FAM3C: variants seen among roughly 807,000 people sequenced by gnomAD.
FAM3C encodes protein FAM3C.
FAM3C carries 15 observed loss-of-function variants against 32.5 expected under a neutral mutation model. The observed-to-expected ratio is 0.46, with a 90% CI of 0.31 to 0.71. The LOEUF is 0.71. Among genes scored for constraint, FAM3C ranks in the 30% least tolerant of loss-of-function variants. The probability of loss-of-function intolerance (pLI) is 0.05; values close to 1 mark genes in which losing one functional copy is unlikely to be tolerated. For missense variants in FAM3C, 175 were observed against 274.4 expected (o/e 0.64, Z 2.56); for synonymous variants, 75 against 86.1 (o/e 0.87, Z 0.72).
intron 5 of FAM3C, among the ~76,000 whole-genome samples, chr7:121,367,258 T>C (rs926603402): frequency 3.3e-5 from 5 of 152,184 alleles, no homozygotes; most frequent in Admixed American, 6.5e-5. Context: ...TATATCCAAA[T>C]ATAGATTTGT....
intron 6 of FAM3C, among the ~76,000 whole-genome samples, 178 bp downstream of exon 6, chr7:121,363,952 G>A (rs1793974719): frequency 6.6e-6 from 1 of 152,058 alleles, no homozygotes; most frequent in Non-Finnish European, 1.5e-5. Flanking sequence ...CAAGAAACAC[G>A]CTATAAATTC....
intron 1 of FAM3C, among the ~76,000 whole-genome samples, chr7:121,385,834 A>G (rs549095419): frequency 6.6e-6 from 1 of 152,274 alleles, no homozygotes; most frequent in South Asian, 2.1e-4. Context: ...TGTCAGTGCA[A>G]TTCACACACA....
chr7:121,372,085 T>C (rs947785901), intron 4 of FAM3C, 25 bp downstream of exon 4: 2 of 1,572,308 alleles, frequency 1.3e-6, no homozygotes, highest in South Asian at 1.1e-5. Flanking sequence ...AAATCATACA[T>C]AAAATATTGA....
rs751327784 is a variant in FAM3C at position 121,350,433 on chromosome 7, G to A, written c.*28C>T. ...GCTCTCCCATTAAGAGTGAAAGTGC[G>A]CTTTCTTCAATTCTCTCCACATTTC... On this transcript the variant is annotated 3_prime_UTR_variant, in exon 10 of 10. Transcript: ENST00000359943. The A allele has an allele frequency of 8.7e-6, 14 of 1,610,112 alleles. No homozygotes were observed. The highest frequency in any genetic ancestry group is 6.7e-5 in the Admixed American group (4 of 59,848).
intron 1 of FAM3C, among the ~76,000 whole-genome samples, chr7:121,387,112 A>G (rs1315699823): frequency 3.9e-5 from 6 of 152,142 alleles, no homozygotes; most frequent in Admixed American, 1.3e-4. Flanking sequence ...TGAACGAATG[A>G]GTCTAATTAT....
chr7:121,384,042 C>A (rs866885206), intron 1 of FAM3C, among the ~76,000 whole-genome samples: 3 of 151,998 alleles, frequency 2.0e-5, no homozygotes, highest in African/African-American at 7.3e-5. Flanking sequence ...AGAAGTGAGA[C>A]ATGCACTTTT....
intron 4 of FAM3C, 56 bp from the exon 5 acceptor site, chr7:121,371,479 C>A (rs1584698780): frequency 6.4e-7 from 1 of 1,562,632 alleles, no homozygotes; most frequent in Non-Finnish European, 8.8e-7. Flanking sequence ...CAGACTTTAC[C>A]TCACTTTACT....
chr7:121,365,655 C>A (rs1794009838), intron 5 of FAM3C, among the ~76,000 whole-genome samples: 1 of 151,816 alleles, frequency 6.6e-6, no homozygotes, highest in African/African-American at 2.4e-5. Context: ...AGACTTAAAC[C>A]CTCATATATT....
chr7:121,372,883 T>C (rs1365540468), intron 3 of FAM3C, among the ~76,000 whole-genome samples: 1 of 152,224 alleles, frequency 6.6e-6, no homozygotes, highest in Non-Finnish European at 1.5e-5. Flanking sequence ...TTTAGTTCTG[T>C]ACTATTTTAG....
chr7:121,350,509 C>T lies in FAM3C; in HGVS notation c.636G>A (p.Trp212Ter). Residue 212 changes from tryptophan (W) to a stop codon, truncating the protein, a stop_gained, in exon 10 of 10, where the codon TGG (tryptophan) becomes TGA (stop). Transcript: ENST00000359943. LOFTEE classifies it high-confidence loss of function. ...NNKDTNKYEG[W>*]PEVVEMEGCI... ...ATCCTTCCATTTCTACAACTTCAGG[C>T]CATCCTTCATATTTGTTTGTATCCT... 16 of 1,612,768 alleles carry T rather than the reference C, an allele frequency of 9.9e-6. No homozygotes were observed. Among genetic ancestry groups the T allele is most frequent in the Non-Finnish European group, 1.4e-5 (16 of 1,179,370 alleles).
In FAM3C at chr7:121,355,116, G is replaced by A. The variant is rs184708850; in HGVS notation, c.468-3847C>T. ...ATAACAAAGGGACTCACTGTTTCAT[G>A]AGAATGATATATCATCCAACCAAAG... On this transcript the variant is annotated intron_variant, in intron 8 of 9. Transcript: ENST00000359943. Among the ~76,000 whole-genome samples the A allele has an allele frequency of 3.9e-5, 6 of 152,282 alleles. No individual in the cohort carries two copies. The East Asian group carries it at 9.6e-4, about 24-fold the overall frequency.
At chr7:121,375,686 G>GC (rs2116928977) in intron 3 of FAM3C, among the ~76,000 whole-genome samples, 1 of 152,288 alleles carries the variant, frequency 6.6e-6, no homozygotes, top group South Asian at 2.1e-4. Context: ...ACCATCAGCT[G>GC]CATGTGCACA....
At chr7:121,395,475 AAGGT>A (rs1249183560) in intron 1 of FAM3C, among the ~76,000 whole-genome samples, 2 of 151,844 alleles carry the variant, frequency 1.3e-5, no homozygotes, top group Non-Finnish European at 1.5e-5. Flanking sequence ...AAAAAAAAAA[AAGGT>A]AGAGGATGAT....
chr7:121,371,503 C>T, intron 4 of FAM3C, 80 bp from the exon 5 acceptor site: 2 of 1,397,062 alleles, frequency 1.4e-6, no homozygotes, highest in East Asian at 2.3e-5. Flanking sequence ...AATCTCAAAC[C>T]ACAAAGAGCA....
intron 7 of FAM3C, among the ~76,000 whole-genome samples, chr7:121,360,397 T>G (rs560366932): frequency 6.6e-6 from 1 of 152,184 alleles, no homozygotes; most frequent in African/African-American, 2.4e-5. Flanking sequence ...AAAAAAATCA[T>G]AGCAAAGTAA....
At chr7:121,382,426 A>G (rs1794375978) in intron 2 of FAM3C, among the ~76,000 whole-genome samples, 4 of 152,170 alleles carry the variant, frequency 2.6e-5, no homozygotes. Flanking sequence ...TACATATGAG[A>G]CATTTAAACT....
At chr7:121,364,381 C>A in intron 5 of FAM3C, 193 bp from the exon 6 acceptor site, 3 of 473,398 alleles carry the variant, frequency 6.3e-6, no homozygotes, top group Non-Finnish European at 3.7e-6. Context: ...AAGCAATGTC[C>A]TTAAATAATA....
chr7:121,380,345 TTC>T (rs1214037786), intron 2 of FAM3C: 7 of 151,988 alleles, frequency 4.6e-5, no homozygotes, highest in African/African-American at 1.5e-4. Flanking sequence ...ACATTCTAAA[TTC>T]TATACCAAGC....
rs1230707457 is a variant in FAM3C at position 121,364,146 on chromosome 7, A to G, written c.315T>C (p.Asn105=). The part of the protein sequence containing the change: ...GVKNNVGRGI[N]VALANGKTGE... ...TGTTCTTACCATTTGCCAAGGCAAC[A>G]TTGATCCCTCTTCCAACATTATTCT... Residue 105 remains asparagine (N), a synonymous_variant, in exon 6 of 10, where the codon AAT becomes AAC. Transcript: ENST00000359943. The G allele has an allele frequency of 6.2e-7, 1 of 1,602,624 alleles. No individual in the cohort carries two copies. Among genetic ancestry groups the G allele is most frequent in the Non-Finnish European group, 8.5e-7 (1 of 1,169,840 alleles).
Sources: gnomAD v4.1 joint callset for allele counts (sites outside exome capture counted in the v4.1 genomes callset) on GRCh38, gnomAD v4.1.1 for gene constraint, MANE v1.5 for transcripts, NCBI Gene and HGNC (gene_info 2026-07-23, HGNC 2026-07-21) for gene names.